Variants in PDLIM5 observed in about 807,000 individuals in gnomAD.
PDLIM5 encodes PDZ and LIM domain protein 5.
Under a neutral mutation model 64.2 loss-of-function variants are expected in PDLIM5, and 34 were observed. The ratio of observed to expected loss-of-function variants is 0.53; its 90% CI spans 0.40 to 0.71. The LOEUF (loss-of-function observed/expected upper bound fraction) is 0.71, where lower values mean the gene tolerates loss of function less well. Among genes scored for constraint, PDLIM5 ranks in the 30% least tolerant of loss-of-function variants. PDLIM5 has a pLI of 0.00. For missense variants in PDLIM5, 683 were observed against 733.6 expected (o/e 0.93, Z 0.80); for synonymous variants, 253 against 269.1 (o/e 0.94, Z 0.59).
chr4:94,549,077 G>A (rs1055328924), intron 3 of PDLIM5, among the ~76,000 whole-genome samples: 5 of 152,072 alleles, frequency 3.3e-5, no homozygotes, highest in East Asian at 1.9e-4. Context: ...CTATTTCCTC[G>A]GTTTCCAATA....
intron 8 of PDLIM5, among the ~76,000 whole-genome samples, chr4:94,619,412 C>T (rs571905217): frequency 1.3e-5 from 2 of 151,286 alleles, no homozygotes; most frequent in South Asian, 4.2e-4. Context: ...AGGCCGAGGC[C>T]GGCGGATCAC....
At position 94,478,890 on chromosome 4, in the gene PDLIM5, G is replaced by GTT. The variant is rs67013211; in HGVS notation, c.96+23532_96+23533dup. ...CCAAAAGAAGGTAGGTGTGCTTGGT[G>GTT]TTTTTTTTTTTTTTTTTTTTTTTTT... On this transcript the variant is annotated intron_variant, in intron 2 of 12. Transcript: ENST00000317968. 7.5e-4 allele frequency among the ~76,000 whole-genome samples: 71 copies of GTT among 94,080 alleles called. 4 individuals carry two copies. Among genetic ancestry groups the GTT allele is most frequent in the Middle Eastern group, 6.0e-3 (1 of 166 alleles). 61.7% of individuals were successfully genotyped at this position (94,080 alleles called of 152,430 possible).
chr4:94,592,941 A>T (rs1736782169), intron 7 of PDLIM5, among the ~76,000 whole-genome samples: 1 of 152,070 alleles, frequency 6.6e-6, no homozygotes, highest in Admixed American at 6.5e-5. Flanking sequence ...CCACAATCAT[A>T]CATTCTCACC....
At chr4:94,553,434 T>C (rs1011760369) in intron 3 of PDLIM5, among the ~76,000 whole-genome samples, 1 of 152,226 alleles carries the variant, frequency 6.6e-6, no homozygotes, top group African/African-American at 2.4e-5. Context: ...GTTATTAGCG[T>C]CTGACTTCCT....
chr4:94,522,235 T>C (rs1013829875), intron 2 of PDLIM5, among the ~76,000 whole-genome samples: 2 of 152,226 alleles, frequency 1.3e-5, no homozygotes, highest in African/African-American at 4.8e-5. Context: ...TGGAACGACC[T>C]TCCCGAAGTC....
chr4:94,666,114 T>A lies in PDLIM5; in HGVS notation c.*2047T>A. 1.9e-6 allele frequency: 2 copies of A among 1,049,398 alleles called. No homozygotes were observed. The highest frequency in any genetic ancestry group is 1.5e-5 in the South Asian group (1 of 68,460). 65.0% of individuals were successfully genotyped at this position (1,049,398 alleles called of 1,614,324 possible). On this transcript the variant is annotated 3_prime_UTR_variant, in exon 13 of 13. Coordinates refer to ENST00000317968, the MANE Select transcript of PDLIM5 (RefSeq NM_006457.5). ...ATAGTCGAGACAGAGCCCTAGGTCC[T>A]TCCTGCCCCATCACTCACTTACGAC...
At chr4:94,605,044 G>A (rs909956757) in intron 7 of PDLIM5, among the ~76,000 whole-genome samples, 1 of 152,148 alleles carries the variant, frequency 6.6e-6, no homozygotes, top group African/African-American at 2.4e-5. Flanking sequence ...AAGTGGAACA[G>A]GAAAATAGAA....
chr4:94,629,722 A>C (rs768209452), intron 8 of PDLIM5, among the ~76,000 whole-genome samples: 1 of 152,200 alleles, frequency 6.6e-6, no homozygotes, highest in Non-Finnish European at 1.5e-5. Context: ...ACTTGGGTGC[A>C]CCTGTTCCAG....
At chr4:94,623,422 T>C (rs1739413122) in intron 8 of PDLIM5, among the ~76,000 whole-genome samples, 1 of 152,230 alleles carries the variant, frequency 6.6e-6, no homozygotes, top group Admixed American at 6.5e-5. Context: ...CTCTTTACCT[T>C]TTAAGACCAG....
intron 3 of PDLIM5, among the ~76,000 whole-genome samples, chr4:94,567,694 C>G (rs1436691295): frequency 2.0e-5 from 3 of 152,076 alleles, no homozygotes; most frequent in Non-Finnish European, 4.4e-5. Flanking sequence ...ACTAGTAGCT[C>G]CATTTATAGT....
In PDLIM5 at chr4:94,615,556, C is replaced by T. The variant is rs141441086; in HGVS notation, c.921-2448C>T. Among the ~76,000 whole-genome samples, 730 of 152,054 alleles carry T rather than the reference C, an allele frequency of 4.8e-3. 2 individuals are homozygous for T. Among genetic ancestry groups the T allele is most frequent in the African/African-American group, 0.016 (680 of 41,490 alleles). The stretch of plus-strand genomic sequence containing the variant: ...AATTGTGGACGACAGTAGGGGTGGC[C>T]AGAATATAGTTTGTATAGCATAGTG... On this transcript the variant is annotated intron_variant, in intron 7 of 12. Transcript: ENST00000317968.
chr4:94,576,860 C>A (rs1735309692), intron 5 of PDLIM5, among the ~76,000 whole-genome samples: 1 of 151,976 alleles, frequency 6.6e-6, no homozygotes. Context: ...TTTCAGCAAC[C>A]TTCAATTATT....
chr4:94,638,588 CTGTCAA>C (rs1384515086), intron 8 of PDLIM5, among the ~76,000 whole-genome samples: 7 of 152,298 alleles, frequency 4.6e-5, no homozygotes, highest in Admixed American at 4.6e-4. Flanking sequence ...CTTTAATATA[CTGTCAA>C]TGTGTTTTTA....
chr4:94,567,195 G>A (rs1054191079), intron 3 of PDLIM5, among the ~76,000 whole-genome samples: 4 of 152,136 alleles, frequency 2.6e-5, no homozygotes, highest in East Asian at 3.9e-4. Flanking sequence ...GGGTTTCACC[G>A]TGTTAGCCAG....
intron 2 of PDLIM5, among the ~76,000 whole-genome samples, chr4:94,511,316 T>A (rs1728851071): frequency 1.3e-5 from 2 of 152,180 alleles, no homozygotes; most frequent in Admixed American, 1.3e-4. Context: ...TTTTATTATT[T>A]TTTTTTATTT....
chr4:94,480,944 A>G (rs2126106132), intron 2 of PDLIM5, among the ~76,000 whole-genome samples: 1 of 152,290 alleles, frequency 6.6e-6, no homozygotes, highest in South Asian at 2.1e-4. Flanking sequence ...GTAAGAAGGA[A>G]ATAATTATAC....
At chr4:94,511,708 G>A (rs1038103527) in intron 2 of PDLIM5, among the ~76,000 whole-genome samples, 2 of 151,500 alleles carry the variant, frequency 1.3e-5, no homozygotes, top group Non-Finnish European at 2.9e-5. Context: ...TTTTGGTCCC[G>A]CAGATAAGTG....
At chr4:94,520,589 A>T (rs1005337765) in intron 2 of PDLIM5, among the ~76,000 whole-genome samples, 3 of 152,230 alleles carry the variant, frequency 2.0e-5, no homozygotes, top group Non-Finnish European at 4.4e-5. Context: ...GAGTGAACAG[A>T]TTGAGGAAGT....
chr4:94,460,859 A>G (rs72874764), intron 2 of PDLIM5, among the ~76,000 whole-genome samples: 3,362 of 152,316 alleles, frequency 0.022, 94 homozygotes, highest in African/African-American at 0.07. Flanking sequence ...GAAATGCTTT[A>G]TAAATTAAAA....
Sources: gnomAD v4.1 joint callset for allele counts (sites outside exome capture counted in the v4.1 genomes callset) on GRCh38, gnomAD v4.1.1 for gene constraint, MANE v1.5 for transcripts, NCBI Gene and HGNC (gene_info 2026-07-23, HGNC 2026-07-21) for gene names.